The following OR8B3 variants were observed in gnomAD, a reference collection of about 807,000 sequenced individuals.
OR8B3 encodes the protein olfactory receptor family 8 subfamily B member 3.
For missense variants in OR8B3, 278 were observed against 377.6 expected (o/e 0.74, Z 2.19); for synonymous variants, 102 against 135.4 (o/e 0.75, Z 1.71).
the OR8B3 span, among the ~76,000 whole-genome samples, chr11:124,408,303 TCAC>T: frequency 3.9e-5 from 6 of 152,236 alleles, no homozygotes; most frequent in Non-Finnish European, 8.8e-5. Context: ...GCTAGGCTCT[TCAC>T]CAAACATAGA....
the OR8B3 span, among the ~76,000 whole-genome samples, chr11:124,407,678 T>C: frequency 1.3e-5 from 2 of 152,156 alleles, no homozygotes; most frequent in African/African-American, 4.8e-5. Context: ...CTAGAGAAAA[T>C]GTACATGAAA....
chr11:124,395,688 A>G lies in OR8B3; in HGVS notation c.*722T>C, dbSNP rs1050878296. The G allele has an allele frequency of 1.3e-5, 2 of 152,214 alleles. No homozygotes were observed. Among genetic ancestry groups the G allele is most frequent in the Non-Finnish European group, 2.9e-5 (2 of 68,050 alleles). The allele number at this position is 152,214 out of a possible 1,614,324, so 9.4% of individuals were successfully genotyped here. A position where few individuals can be genotyped will look rare whatever the true frequency, so the allele number is the denominator to read the frequency against. ...GAATGAAAGTTTTATAATGTAAACA[A>G]TGGACCCACTTATTGGAATCCTGAG... On this transcript the variant is annotated 3_prime_UTR_variant, in exon 2 of 2. Transcript: ENST00000641139.
rs1192757618 is a variant in OR8B3 at position 124,395,810 on chromosome 11, G to C, written c.*600C>G. ...TATTCTCTGCTGTATCAAATGCACTGGACTGATAGAGGTTCTCAGAAGCAA... is the reference window on the plus strand; with the variant it reads ...TATTCTCTGCTGTATCAAATGCACTCGACTGATAGAGGTTCTCAGAAGCAA... On this transcript the variant is annotated 3_prime_UTR_variant, in exon 2 of 2. Coordinates refer to ENST00000641139, the MANE Select transcript of OR8B3 (RefSeq NM_001005467.2). 1.3e-5 allele frequency: 2 copies of C among 152,420 alleles called. No individual in the cohort carries two copies. Among genetic ancestry groups the C allele is most frequent in the Non-Finnish European group, 2.9e-5 (2 of 68,264 alleles). 9.4% of individuals were successfully genotyped at this position (152,420 alleles called of 1,614,324 possible). A position where few individuals can be genotyped will look rare whatever the true frequency, so the allele number is the denominator to read the frequency against.
upstream of OR8B3, among the ~76,000 whole-genome samples, chr11:124,403,356 CG>C (rs1443761639): frequency 6.6e-6 from 1 of 151,754 alleles, no homozygotes; most frequent in Non-Finnish European, 1.5e-5. Flanking sequence ...ACCTCCCAGA[CG>C]GGGCGGCTGC....
chr11:124,404,397 C>G, the OR8B3 span: 31 of 152,232 alleles, frequency 2.0e-4, no homozygotes, highest in African/African-American at 7.2e-4. Flanking sequence ...GAAAATTTTT[C>G]TTGTGAGTAA....
chr11:124,403,056 G>A (rs112107202), upstream of OR8B3, among the ~76,000 whole-genome samples: 60,891 of 151,838 alleles, frequency 0.4, 13,679 homozygotes, highest in African/African-American at 0.63. Context: ...GCCTTCAAGC[G>A]TCTGTTTAAC....
upstream of OR8B3, among the ~76,000 whole-genome samples, chr11:124,402,825 AATG>A (rs1335133684): frequency 7.7e-6 from 1 of 130,382 alleles, no homozygotes; most frequent in Non-Finnish European, 1.6e-5. Flanking sequence ...AATGTATATA[AATG>A]ATGCTTCTTT....
In OR8B3 at chr11:124,396,465, A is replaced by T; in HGVS notation, c.887T>A (p.Val296Asp). The part of the protein sequence containing the change: ...PLIYSLRNKD[V>D]KVALRKALIK... ...CAGAGCTTTCCTCAGTGCAACTTTG[A>T]CATCCTTGTTCCTCAAACTGTAGAT... Residue 296 changes from valine to aspartate, a missense_variant, in exon 2 of 2, where the codon GTC becomes GAC. Coordinates refer to ENST00000641139, the MANE Select transcript of OR8B3 (RefSeq NM_001005467.2). The T allele has an allele frequency of 6.2e-7, 1 of 1,613,654 alleles. No individual in the cohort carries two copies. Among genetic ancestry groups the T allele is most frequent in the South Asian group, 1.1e-5 (1 of 90,840 alleles).
chr11:124,396,720 C>G lies in OR8B3; in HGVS notation c.632G>C (p.Ser211Thr), dbSNP rs1360932199. Residue 211 changes from serine to threonine, a missense_variant, in exon 2 of 2, where the codon AGT becomes ACT. Coordinates refer to ENST00000641139, the MANE Select transcript of OR8B3 (RefSeq NM_001005467.2). ...IVVGINIMVP[S>T]CTILISYVFI... ...AACATAAGAAATGAGGATGGTACAA[C>G]TGGGTACCATGATATTAATACCCAC... 6.2e-7 allele frequency: 1 copy of G among 1,613,686 alleles called. No homozygotes were observed. Among genetic ancestry groups the G allele is most frequent in the Non-Finnish European group, 8.5e-7 (1 of 1,179,764 alleles).
upstream of OR8B3, among the ~76,000 whole-genome samples, chr11:124,403,337 G>A (rs1405858642): frequency 1.3e-5 from 2 of 152,190 alleles, no homozygotes; most frequent in African/African-American, 4.8e-5. Context: ...TCAATGAGCT[G>A]TTGGGTACAC....
chr11:124,407,738 C>A, the OR8B3 span, among the ~76,000 whole-genome samples: 2 of 151,900 alleles, frequency 1.3e-5, no homozygotes, highest in Non-Finnish European at 2.9e-5. Context: ...TTTTTGCCTT[C>A]TTCTTTGATT....
chr11:124,408,126 G>A, the OR8B3 span, among the ~76,000 whole-genome samples: 4 of 152,054 alleles, frequency 2.6e-5, no homozygotes, highest in Non-Finnish European at 4.4e-5. Flanking sequence ...GTTTGATGAC[G>A]TTGTATCCTG....
rs1287873033 is a variant in OR8B3 at position 124,396,183 on chromosome 11, G to A, written c.*227C>T. 2 of 493,360 alleles carry A rather than the reference G, an allele frequency of 4.1e-6. No individual in the cohort carries two copies. Among genetic ancestry groups the A allele is most frequent in the Non-Finnish European group, 7.1e-6 (2 of 281,632 alleles). 30.6% of individuals were successfully genotyped at this position (493,360 alleles called of 1,614,324 possible). A position where few individuals can be genotyped will look rare whatever the true frequency, so the allele number is the denominator to read the frequency against. On this transcript the variant is annotated 3_prime_UTR_variant, in exon 2 of 2. Transcript: ENST00000641139. Reference sequence around the variant, plus strand: ...TAAAATGATAATGAAAAATATCAGTGCATATGTTCCTTTTACAAAGATGCC... The same window carrying A: ...TAAAATGATAATGAAAAATATCAGTACATATGTTCCTTTTACAAAGATGCC...
In OR8B3 at chr11:124,396,371, T is replaced by C. The variant is rs746969609; in HGVS notation, c.*39A>G. ...TTCATGGAACACACTAATAAAAATTTAAAGTTCTTCAATCGTTTTACATTA... is the reference window on the plus strand; with the variant it reads ...TTCATGGAACACACTAATAAAAATTCAAAGTTCTTCAATCGTTTTACATTA... On this transcript the variant is annotated 3_prime_UTR_variant, in exon 2 of 2. Coordinates refer to ENST00000641139, the MANE Select transcript of OR8B3 (RefSeq NM_001005467.2). 8 of 1,530,250 alleles carry C rather than the reference T, an allele frequency of 5.2e-6. No homozygotes were observed. The highest frequency in any genetic ancestry group is 1.3e-5 in the South Asian group (1 of 77,510). 94.8% of individuals were successfully genotyped at this position (1,530,250 alleles called of 1,614,324 possible).
Position 124,396,268 on chromosome 11 carries a change from A to G in OR8B3, c.*142T>C. On this transcript the variant is annotated 3_prime_UTR_variant, in exon 2 of 2. Transcript: ENST00000641139. Reference sequence around the variant, plus strand: ...AGATGCAAAACCAAAAAAAGAGACAAGATGATTTCATAAGAGAAATGATAA... The same window carrying G: ...AGATGCAAAACCAAAAAAAGAGACAGGATGATTTCATAAGAGAAATGATAA... 3.6e-6 allele frequency: 3 copies of G among 832,766 alleles called. No homozygotes were observed. The highest frequency in any genetic ancestry group is 1.8e-6 in the Non-Finnish European group (1 of 554,408). 51.6% of individuals were successfully genotyped at this position (832,766 alleles called of 1,614,324 possible).
chr11:124,400,458 C>T (rs771549434), upstream of OR8B3, among the ~76,000 whole-genome samples: 3 of 152,098 alleles, frequency 2.0e-5, no homozygotes, highest in Admixed American at 6.5e-5. Context: ...TAAAACTTTG[C>T]ACCCTTTGAC....
chr11:124,396,714 G>T lies in OR8B3; in HGVS notation c.638C>A (p.Thr213Asn), dbSNP rs763866599. 2.5e-6 allele frequency: 4 copies of T among 1,613,874 alleles called. No homozygotes were observed. In the South Asian group the frequency reaches 4.4e-5, roughly 18 times the overall value. ...VGINIMVPSC[T>N]ILISYVFIVT... ...AATGAAAACATAAGAAATGAGGATGGTACAACTGGGTACCATGATATTAAT... is the reference window on the plus strand; with the variant it reads ...AATGAAAACATAAGAAATGAGGATGTTACAACTGGGTACCATGATATTAAT... Residue 213 changes from threonine (T) to asparagine (N), a missense_variant, in exon 2 of 2, where the codon ACC (threonine) becomes AAC (asparagine). Transcript: ENST00000641139.
upstream of OR8B3, among the ~76,000 whole-genome samples, chr11:124,404,006 G>C (rs1013057027): frequency 7.9e-5 from 12 of 152,034 alleles, no homozygotes; most frequent in Admixed American, 2.6e-4. Flanking sequence ...CCAGGCACTC[G>C]GCAGGCTGAG....
chr11:124,404,549 G>C, the OR8B3 span: 1 of 152,198 alleles, frequency 6.6e-6, no homozygotes, highest in East Asian at 1.9e-4. Flanking sequence ...TCTAGAGAGT[G>C]TGTCTTGCTT....
Sources: gnomAD v4.1 joint callset for allele counts (sites outside exome capture counted in the v4.1 genomes callset) on GRCh38, gnomAD v4.1.1 for gene constraint, MANE v1.5 for transcripts, NCBI Gene and HGNC (gene_info 2026-07-23, HGNC 2026-07-21) for gene names.